The following CAAP1 variants were observed in gnomAD, a reference collection of about 807,000 sequenced individuals.
The protein encoded by CAAP1 is conserved anti-apoptotic protein.
A neutral mutation model predicts 34.0 loss-of-function variants in CAAP1; 20 were observed. The observed-to-expected ratio is 0.59, with a 90% CI of 0.41 to 0.86. CAAP1 has a LOEUF of 0.86. Ranked by LOEUF, CAAP1 falls within the 40% of genes least tolerant of loss-of-function variation. The probability of loss-of-function intolerance (pLI) is 0.00; values close to 1 mark genes in which losing one functional copy is unlikely to be tolerated. For synonymous variants in CAAP1, 213 were observed against 166.7 expected, an observed-to-expected ratio of 1.28 and a Z score of -2.14; for missense variants, 538 against 450.5, an observed-to-expected ratio of 1.19 and a Z score of -1.76.
intron 3 of CAAP1, among the ~76,000 whole-genome samples, chr9:26,885,225 C>T (rs1042702308): frequency 8.6e-5 from 13 of 151,536 alleles, no homozygotes; most frequent in East Asian, 1.9e-4. Context: ...TACAGGCGCC[C>T]GCCACCACGC....
chr9:26,866,953 A>C (rs1458269949), intron 4 of CAAP1, among the ~76,000 whole-genome samples: 1 of 152,088 alleles, frequency 6.6e-6, no homozygotes, highest in Non-Finnish European at 1.5e-5. Context: ...GCCTGTTAGG[A>C]ACTGAGCCGC....
At chr9:26,891,264 C>A (rs185085716) in intron 1 of CAAP1, among the ~76,000 whole-genome samples, 8 of 152,124 alleles carry the variant, frequency 5.3e-5, no homozygotes, top group African/African-American at 1.9e-4. Context: ...TTAAAATGTT[C>A]AATCTCACTA....
In CAAP1 at chr9:26,861,740, G is replaced by A. The variant is rs547749615; in HGVS notation, c.666-601C>T. On this transcript the variant is annotated intron_variant, in intron 4 of 5. Transcript: ENST00000333916. Reference sequence around the variant, plus strand: ...ATATTAATATACTTTTCAGCAAAAAGGTCAAGAAATTATAAATGTTCAAAT... The same window carrying A: ...ATATTAATATACTTTTCAGCAAAAAAGTCAAGAAATTATAAATGTTCAAAT... Among the ~76,000 whole-genome samples the A allele has an allele frequency of 6.6e-5, 10 of 152,104 alleles. No homozygotes were observed. The South Asian group carries it at 1.9e-3, about 28-fold the overall frequency.
At chr9:26,867,811 A>G (rs974699009) in intron 4 of CAAP1, among the ~76,000 whole-genome samples, 1 of 152,128 alleles carries the variant, frequency 6.6e-6, no homozygotes, top group Non-Finnish European at 1.5e-5. Flanking sequence ...TTTATTATTA[A>G]TTTCCTTTCT....
At chr9:26,868,684 G>A (rs1254896714) in intron 4 of CAAP1, among the ~76,000 whole-genome samples, 1 of 152,114 alleles carries the variant, frequency 6.6e-6, no homozygotes, top group African/African-American at 2.4e-5. Context: ...GAGGATATAG[G>A]AACAAGTCAA....
At chr9:26,886,077 C>G (rs1295149410) in intron 3 of CAAP1, 27 bp downstream of exon 3, 8 of 1,229,856 alleles carry the variant, frequency 6.5e-6, no homozygotes, top group Non-Finnish European at 9.1e-6. Context: ...TAAGAAGTTG[C>G]CAGAATGTAA....
At chr9:26,850,149 T>C (rs1255808212) in intron 5 of CAAP1, among the ~76,000 whole-genome samples, 1 of 152,216 alleles carries the variant, frequency 6.6e-6, no homozygotes, top group East Asian at 1.9e-4. Context: ...AAAACAATTT[T>C]TTAACAAAAC....
At chr9:26,856,264 T>C (rs935626183) in intron 5 of CAAP1, among the ~76,000 whole-genome samples, 7 of 152,238 alleles carry the variant, frequency 4.6e-5, no homozygotes, top group South Asian at 2.1e-4. Flanking sequence ...AATATCTTCA[T>C]TGATTTTGGT....
rs1311322040 is a variant in CAAP1 at position 26,875,964 on chromosome 9, T to C, written c.665+8846A>G. On this transcript the variant is annotated intron_variant, in intron 4 of 5. Coordinates refer to ENST00000333916, the MANE Select transcript of CAAP1 (RefSeq NM_024828.4). The stretch of plus-strand genomic sequence containing the variant: ...CAGGTTTTAATCAAGCACATTTTAT[T>C]AGTTTTCTATTGCCACTCTAATATA... 2.0e-5 allele frequency among the ~76,000 whole-genome samples: 3 copies of C among 152,252 alleles called. No homozygotes were observed. The East Asian group carries it at 5.8e-4, about 29-fold the overall frequency.
chr9:26,890,308 T>A (rs918305061), intron 1 of CAAP1, among the ~76,000 whole-genome samples: 7 of 151,166 alleles, frequency 4.6e-5, no homozygotes, highest in Admixed American at 4.6e-4. Context: ...CAGGCGGAGG[T>A]TGCAGTGGGC....
intron 5 of CAAP1, 139 bp downstream of exon 5, chr9:26,860,927 G>A (rs1822989542): frequency 1.5e-6 from 1 of 655,668 alleles, no homozygotes; most frequent in Admixed American, 2.8e-5. Context: ...ATCATGAAGT[G>A]ACTGATTTTT....
Position 26,872,553 on chromosome 9 carries a change from AATAT to A in CAAP1, c.666-11418_666-11415del, listed in dbSNP as rs145299717. Among the ~76,000 whole-genome samples the A allele has an allele frequency of 9.8e-3, 1,403 of 142,546 alleles. 38 individuals carry two copies. Among genetic ancestry groups the A allele is most frequent in the African/African-American group, 0.035 (1,311 of 36,950 alleles). The allele number at this position is 142,546 out of a possible 152,430, so 93.5% of individuals were successfully genotyped here. The stretch of plus-strand genomic sequence containing the variant: ...TAAATAGACAGATAGATATACATAT[AATAT>A]ATATATATATATATATTTAGACAGA... On this transcript the variant is annotated intron_variant, in intron 4 of 5. Transcript: ENST00000333916.
intron 3 of CAAP1, among the ~76,000 whole-genome samples, chr9:26,885,739 T>C (rs1438484209): frequency 6.6e-6 from 1 of 152,112 alleles, no homozygotes; most frequent in Non-Finnish European, 1.5e-5. Context: ...GTAAACAATA[T>C]GCAATAGGTG....
intron 1 of CAAP1, 75 bp downstream of exon 1, chr9:26,892,338 C>A (rs770905972): frequency 1.3e-6 from 2 of 1,571,776 alleles, no homozygotes; most frequent in South Asian, 1.2e-5. Flanking sequence ...CAGCCTGCGC[C>A]CCATCCCTCT....
intron 5 of CAAP1, among the ~76,000 whole-genome samples, chr9:26,858,198 A>C (rs1822917856): frequency 6.6e-6 from 1 of 152,234 alleles, no homozygotes; most frequent in African/African-American, 2.4e-5. Context: ...CACTGTGAAC[A>C]AAAATAGCTA....
chr9:26,845,467 C>T (rs1410490655), intron 5 of CAAP1, among the ~76,000 whole-genome samples: 1 of 152,196 alleles, frequency 6.6e-6, no homozygotes. Context: ...CCTCCACCTC[C>T]AGGGTTCAAG....
chr9:26,846,906 C>T (rs184194653), intron 5 of CAAP1, among the ~76,000 whole-genome samples: 243 of 152,066 alleles, frequency 1.6e-3, no homozygotes, highest in African/African-American at 5.6e-3. Flanking sequence ...AGGCTGGCCT[C>T]GAACTCCCAA....
intron 5 of CAAP1, among the ~76,000 whole-genome samples, chr9:26,844,137 C>T (rs1822540635): frequency 6.6e-6 from 1 of 152,128 alleles, no homozygotes. Flanking sequence ...GTGGGCAGAT[C>T]ACCTGGGGTC....
In CAAP1 at chr9:26,887,236, A is replaced by G; in HGVS notation, c.504+77T>C. On this transcript the variant is annotated intron_variant, in intron 2 of 5. Coordinates refer to ENST00000333916, the MANE Select transcript of CAAP1 (RefSeq NM_024828.4). ...CAAAAAAACAAACAAACAAAACCGC[A>G]TTAAGTAAAACAAAAAATTGCTACA... The G allele has an allele frequency of 3.2e-6, 3 of 931,404 alleles. No homozygotes were observed. In the South Asian group the frequency reaches 5.9e-5, roughly 18 times the overall value. The allele number at this position is 931,404 out of a possible 1,614,324, so 57.7% of individuals were successfully genotyped here.
Sources: allele counts gnomAD v4.1 joint callset (sites outside exome capture counted in the v4.1 genomes callset), GRCh38; gene constraint gnomAD v4.1.1; transcripts MANE v1.5; gene names NCBI Gene and HGNC (gene_info 2026-07-23, HGNC 2026-07-21).